The following SEPTIN1 variants were observed in gnomAD, a reference collection of about 807,000 sequenced individuals.
SEPTIN1 encodes septin 1.
A neutral mutation model predicts 50.7 loss-of-function variants in SEPTIN1; 52 were observed. That is an observed-to-expected ratio of 1.03 (90% confidence interval 0.82 to 1.29). The LOEUF (loss-of-function observed/expected upper bound fraction) is 1.29, where lower values mean the gene tolerates loss of function less well. Among genes scored for constraint, SEPTIN1 ranks in the 50% most tolerant of loss-of-function variants. The probability of loss-of-function intolerance (pLI) is 0.00; values close to 1 mark genes in which losing one functional copy is unlikely to be tolerated. For synonymous variants in SEPTIN1, 204 were observed against 189.1 expected (o/e 1.08, Z -0.65); for missense variants, 455 against 490.7 (o/e 0.93, Z 0.69).
In SEPTIN1 at chr16:30,381,441, T is replaced by A; in HGVS notation, c.353A>T (p.Gln118Leu). 2 of 1,614,008 alleles carry A rather than the reference T, an allele frequency of 1.2e-6. No individual in the cohort carries two copies. Among genetic ancestry groups the A allele is most frequent in the Non-Finnish European group, 1.7e-6 (2 of 1,180,008 alleles). ...WLPVVKFIEE[Q>L]FEQYLRDESG... is the part of the protein sequence containing the mutation. Reference sequence around the variant, plus strand: ...CTCATCCCTAAGGTACTGCTCAAATTGCTCCTCGATGAATTTCACCACCGG... The same window carrying A: ...CTCATCCCTAAGGTACTGCTCAAATAGCTCCTCGATGAATTTCACCACCGG... Residue 118 changes from glutamine (Q) to leucine (L), a missense_variant, in exon 5 of 11, where the codon CAA (glutamine) becomes CTA (leucine). Gln to Leu is a moderately radical substitution (Grantham distance 113). Coordinates refer to ENST00000321367, the MANE Select transcript of SEPTIN1 (RefSeq NM_001365977.2). This position sits in a 1 kb window ranked among gnomAD's most constrained non-coding sequence, Gnocchi z 4.3.
rs375914201 is a variant in SEPTIN1 at position 30,382,556 on chromosome 16, G to T, written c.-14C>A. ...TCCGCCAGCCATCACTGCACCTGCC[G>T]TCTCTCCCCACTTCCTCTGGTGGGG... On this transcript the variant is annotated 5_prime_UTR_variant, in exon 1 of 11. Coordinates refer to ENST00000321367, the MANE Select transcript of SEPTIN1 (RefSeq NM_001365977.2). The surrounding 1 kb of genome is among the most constrained non-coding windows in gnomAD (Gnocchi z 4.8). 6.3e-7 allele frequency: 1 copy of T among 1,588,876 alleles called. No homozygotes were observed. Among genetic ancestry groups the T allele is most frequent in the African/African-American group, 1.3e-5 (1 of 74,778 alleles).
chr16:30,382,567 C>G, upstream of SEPTIN1: 2 of 1,582,770 alleles, frequency 1.3e-6, no homozygotes, highest in Non-Finnish European at 8.6e-7. The surrounding 1 kb of genome is among the most constrained non-coding windows in gnomAD (Gnocchi z 4.8). Flanking sequence ...TCTCTCCCCA[C>G]TTCCTCTGGT....
rs1464479322 is a variant in SEPTIN1, at chr16:30,381,513, C to T, written c.321-40G>A. The T allele has an allele frequency of 5.0e-6, 8 of 1,611,432 alleles. No individual in the cohort carries two copies. The highest frequency in any genetic ancestry group is 6.8e-6 in the Non-Finnish European group (8 of 1,178,150). ...AGGATGTGAGGTCAGAGATCAAAGG[C>T]CAGAGGGCAGGGGGCAAGGCTAGCC... On this transcript the variant is annotated intron_variant, in intron 4 of 10. Transcript: ENST00000321367. This position sits in a 1 kb window ranked among gnomAD's most constrained non-coding sequence, Gnocchi z 4.3.
chr16:30,380,871 G>A (rs1375694994), intron 6 of SEPTIN1: 2 of 539,540 alleles, frequency 3.7e-6, no homozygotes, highest in Non-Finnish European at 6.7e-6. Context: ...AAGTCACTAT[G>A]TTCTCATGTC....
chr16:30,378,342 G>A lies in SEPTIN1; in HGVS notation c.*92C>T, dbSNP rs542181711. Reference sequence around the variant, plus strand: ...CCGCGCGAGGGCGGCACCCGCGGAGGTCCCGGGGGGCGCTGGGCAGTGTGG... The same window carrying A: ...CCGCGCGAGGGCGGCACCCGCGGAGATCCCGGGGGGCGCTGGGCAGTGTGG... On this transcript the variant is annotated 3_prime_UTR_variant, in exon 11 of 11. Transcript: ENST00000321367. 9.6e-6 allele frequency: 12 copies of A among 1,252,906 alleles called. No homozygotes were observed. The East Asian group carries it at 2.8e-4, about 30-fold the overall frequency. 77.6% of individuals were successfully genotyped at this position (1,252,906 alleles called of 1,614,324 possible). A position where few individuals can be genotyped will look rare whatever the true frequency, so the allele number is the denominator to read the frequency against.
upstream of SEPTIN1, chr16:30,382,680 G>C: frequency 6.5e-7 from 1 of 1,533,002 alleles, no homozygotes; most frequent in Non-Finnish European, 8.8e-7. The surrounding 1 kb of genome is among the most constrained non-coding windows in gnomAD (Gnocchi z 4.8). Flanking sequence ...CCAAGGCCAA[G>C]AACACTTGGG....
chr16:30,382,526 A>G lies in SEPTIN1; in HGVS notation c.17T>C (p.Met6Thr), dbSNP rs749262483. 4 of 1,592,358 alleles carry G rather than the reference A, an allele frequency of 2.5e-6. No individual in the cohort carries two copies. The East Asian group carries it at 6.8e-5, about 27-fold the overall frequency. Residue 6 changes from methionine (M) to threonine (T), a missense_variant and splice_region_variant, in exon 1 of 11, where the codon ATG becomes ACG. Transcript: ENST00000321367. The surrounding 1 kb of genome is among the most constrained non-coding windows in gnomAD (Gnocchi z 4.8). ...AGGTTTCTGGGTGTAAGGACTCACC[A>G]TGACTCCGCCAGCCATCACTGCACC... MAGGV[M>T]DKEYVGFAAL...
Position 30,382,472 on chromosome 16 carries a change from A to G in SEPTIN1, c.18+53T>C. 1 of 1,588,378 alleles carries G rather than the reference A, an allele frequency of 6.3e-7. No individual in the cohort carries two copies. Among genetic ancestry groups the G allele is most frequent in the South Asian group, 1.1e-5 (1 of 89,194 alleles). Reference sequence around the variant, plus strand: ...AGAGTCAGTGGGGTCTGGGGACCCCAGGCATGGGGGCTGGGGGCCGAGATG... The same window carrying G: ...AGAGTCAGTGGGGTCTGGGGACCCCGGGCATGGGGGCTGGGGGCCGAGATG... On this transcript the variant is annotated intron_variant, in intron 1 of 10. Coordinates refer to ENST00000321367, the MANE Select transcript of SEPTIN1 (RefSeq NM_001365977.2). The surrounding 1 kb of genome is among the most constrained non-coding windows in gnomAD (Gnocchi z 4.8).
At chr16:30,382,770 A>C (rs746732418), upstream of SEPTIN1, 1 of 1,536,002 alleles carries the variant, frequency 6.5e-7, no homozygotes, top group South Asian at 1.2e-5. This position sits in a 1 kb window ranked among gnomAD's most constrained non-coding sequence, Gnocchi z 4.8. Flanking sequence ...CTGGATTCCA[A>C]GTCCCACTGT....
chr16:30,379,862 C>T (rs913971243), intron 7 of SEPTIN1, 70 bp downstream of exon 7: 11 of 850,808 alleles, frequency 1.3e-5, no homozygotes, highest in Admixed American at 3.9e-5. Context: ...CCGTCTCAGC[C>T]TCCCAAAGTG....
Position 30,378,459 on chromosome 16 carries a change from TG to T in SEPTIN1, c.1093del (p.Gln365ArgfsTer59). On this transcript the variant is annotated frameshift_variant, in exon 11 of 11. Coordinates refer to ENST00000321367, the MANE Select transcript of SEPTIN1 (RefSeq NM_001365977.2). LOFTEE classifies it high-confidence loss of function. ...TCAGAGGGCGTCTGACTGCTCGCCC[TG>T]GGCCTGGCTCTGCTGCATTTGGGCC... Reference protein sequence around the residue: ...MQAQMQQSQAQGEQSDAL With the variant: ...MQAQMQQSQAXGEQSDAL 1 of 1,574,254 alleles carries T rather than the reference TG, an allele frequency of 6.4e-7. No individual in the cohort carries two copies.
chr16:30,378,688 G>A lies in SEPTIN1; in HGVS notation c.954C>T (p.Arg318=). ...GCAGCGGGATCTCTGTGGCGCTCTG[G>A]CGGGAAAGCTTACTGCGGGACAGTG... ...RDRASRSKLS[R]QSATEIPLPM... The change falls in exon 10 of 11, where the codon CGC becomes CGT. Residue 318 remains arginine, a synonymous_variant. Transcript: ENST00000321367. 1 of 1,608,356 alleles carries A rather than the reference G, an allele frequency of 6.2e-7. No homozygotes were observed. Among genetic ancestry groups the A allele is most frequent in the Non-Finnish European group, 8.5e-7 (1 of 1,179,852 alleles).
chr16:30,381,327 C>G lies in SEPTIN1; in HGVS notation c.455+12G>C. On this transcript the variant is annotated intron_variant, in intron 5 of 10. Transcript: ENST00000321367. The surrounding 1 kb of genome is among the most constrained non-coding windows in gnomAD (Gnocchi z 4.3). ...CCTAAATGCGCCAGCCCCCAGGATC[C>G]CCCCACCAGACCCCCGGCCGAAGGG... 1 of 1,612,654 alleles carries G rather than the reference C, an allele frequency of 6.2e-7. No homozygotes were observed. The highest frequency in any genetic ancestry group is 8.5e-7 in the Non-Finnish European group (1 of 1,179,142).
chr16:30,381,667 T>G lies in SEPTIN1; in HGVS notation c.320+93A>C, dbSNP rs114595573. 3.3e-4 allele frequency: 503 copies of G among 1,547,302 alleles called. No individual in the cohort carries two copies. Among genetic ancestry groups the G allele is most frequent in the African/African-American group, 7.0e-4 (51 of 73,128 alleles). ...GCCCTCTGAAACAGACACCACCTTT[T>G]GAGATAGGGAGCCAGCACAAACCAG... is the stretch of plus-strand genomic sequence containing the variant. On this transcript the variant is annotated intron_variant, in intron 4 of 10. Coordinates refer to ENST00000321367, the MANE Select transcript of SEPTIN1 (RefSeq NM_001365977.2). The surrounding 1 kb of genome is among the most constrained non-coding windows in gnomAD (Gnocchi z 4.3).
At position 30,381,640 on chromosome 16, in the gene SEPTIN1, T is replaced by C; in HGVS notation, c.320+120A>G. ...GTCATCAAGAAGCACAGGGACCCAG[T>C]GGCCCTCTGAAACAGACACCACCTT... On this transcript the variant is annotated intron_variant, in intron 4 of 10. Transcript: ENST00000321367. The surrounding 1 kb of genome is among the most constrained non-coding windows in gnomAD (Gnocchi z 4.3). 6.7e-7 allele frequency: 1 copy of C among 1,503,428 alleles called. No individual in the cohort carries two copies. The highest frequency in any genetic ancestry group is 1.9e-5 in the Admixed American group (1 of 52,754). The allele number at this position is 1,503,428 out of a possible 1,614,324, so 93.1% of individuals were successfully genotyped here. A position where few individuals can be genotyped will look rare whatever the true frequency, so the allele number is the denominator to read the frequency against.
chr16:30,381,442 G>GCTCCT lies in SEPTIN1; in HGVS notation c.347_351dup (p.Gln118ArgfsTer14). ...TCATCCCTAAGGTACTGCTCAAATTGCTCCTCGATGAATTTCACCACCGGA... is the reference window on the plus strand; with the variant it reads ...TCATCCCTAAGGTACTGCTCAAATTGCTCCTCTCCTCGATGAATTTCACCACCGGA... On this transcript the variant is annotated frameshift_variant, in exon 5 of 11. Coordinates refer to ENST00000321367, the MANE Select transcript of SEPTIN1 (RefSeq NM_001365977.2). LOFTEE classifies it high-confidence loss of function. This position sits in a 1 kb window ranked among gnomAD's most constrained non-coding sequence, Gnocchi z 4.3. 6.2e-7 allele frequency: 1 copy of GCTCCT among 1,614,034 alleles called. No homozygotes were observed. Among genetic ancestry groups the GCTCCT allele is most frequent in the Non-Finnish European group, 8.5e-7 (1 of 1,180,014 alleles).
At position 30,381,289 on chromosome 16, in the gene SEPTIN1, C is replaced by G. The variant is rs1181782627; in HGVS notation, c.456-45G>C. The G allele has an allele frequency of 2.9e-5, 47 of 1,599,016 alleles. No homozygotes were observed. The highest frequency in any genetic ancestry group is 3.7e-5 in the Non-Finnish European group (43 of 1,167,074). On this transcript the variant is annotated intron_variant, in intron 5 of 10. Transcript: ENST00000321367. This position sits in a 1 kb window ranked among gnomAD's most constrained non-coding sequence, Gnocchi z 4.3. Reference sequence around the variant, plus strand: ...ATTGCCCAGCCTCAGGGGGCAGAGACCCCCCAGCCCTCCCTAAATGCGCCA... The same window carrying G: ...ATTGCCCAGCCTCAGGGGGCAGAGAGCCCCCAGCCCTCCCTAAATGCGCCA...
At position 30,379,927 on chromosome 16, in the gene SEPTIN1, C is replaced by T. The variant is rs1334939679; in HGVS notation, c.675+5G>A. On this transcript the variant is annotated splice_donor_5th_base_variant and intron_variant, in intron 7 of 10. Transcript: ENST00000321367. ...CGGCCTGCCTTCCTTCTTTGTTTCC[C>T]ACACCTTCATCTCTGCATCCTGCCT... 1.3e-6 allele frequency: 2 copies of T among 1,481,872 alleles called. No homozygotes were observed. Among genetic ancestry groups the T allele is most frequent in the African/African-American group, 1.4e-5 (1 of 71,920 alleles). The allele number at this position is 1,481,872 out of a possible 1,614,324, so 91.8% of individuals were successfully genotyped here. A position where few individuals can be genotyped will look rare whatever the true frequency, so the allele number is the denominator to read the frequency against.
chr16:30,379,588 C>T (rs540193596), intron 7 of SEPTIN1, 54 bp from the exon 8 acceptor site: 7 of 1,308,096 alleles, frequency 5.4e-6, no homozygotes, highest in South Asian at 2.4e-5. Context: ...GAAACTTTCT[C>T]TTTCCCAGCT....
Sources: allele counts gnomAD v4.1 joint callset, GRCh38; gene constraint gnomAD v4.1.1; non-coding constraint Gnocchi (gnomAD v3.1); transcripts MANE v1.5; gene names NCBI Gene and HGNC (gene_info 2026-07-23, HGNC 2026-07-21).